Variants in AMBRA1 observed in about 807,000 individuals in gnomAD.
AMBRA1 encodes autophagy and beclin 1 regulator 1.
In AMBRA1, 47 loss-of-function variants were observed where a neutral mutation model predicts 125.4. That is an observed-to-expected ratio of 0.37 (90% confidence interval 0.30 to 0.48). AMBRA1 has a LOEUF of 0.48. AMBRA1 is among the 20% of genes least tolerant of loss of function. The pLI is 0.99. For synonymous variants in AMBRA1, 626 were observed against 655.5 expected, an observed-to-expected ratio of 0.95 and a Z score of 0.69; for missense variants, 1,331 against 1,693.4, an observed-to-expected ratio of 0.79 and a Z score of 3.76.
At chr11:46,538,652 G>A (rs1369106497) in intron 7 of AMBRA1, among the ~76,000 whole-genome samples, 1 of 151,998 alleles carries the variant, frequency 6.6e-6, no homozygotes, top group African/African-American at 2.4e-5. Flanking sequence ...GCACCACCAT[G>A]CCTGGCTAAT....
intron 9 of AMBRA1, among the ~76,000 whole-genome samples, chr11:46,497,686 G>A (rs773895482): frequency 6.6e-5 from 10 of 152,192 alleles, no homozygotes; most frequent in Non-Finnish European, 1.5e-4. Context: ...TACCGGAATG[G>A]GTAAGGTGGC....
intron 14 of AMBRA1, among the ~76,000 whole-genome samples, chr11:46,422,973 A>G (rs1292307685): frequency 6.6e-6 from 1 of 152,216 alleles, no homozygotes; most frequent in Non-Finnish European, 1.5e-5. Context: ...GCTTTGAGGA[A>G]GAAAGGAACT....
At position 46,541,956 on chromosome 11, in the gene AMBRA1, ATCC is replaced by A. The variant is rs1565271272; in HGVS notation, c.2058_2060del (p.Glu686del). On this transcript the variant is annotated inframe_deletion, in exon 7 of 18. Transcript: ENST00000683756. ...AAGCGACTGCTTACCTCCTGAGTGA[ATCC>A]TCCTCAGAGCTCTCCTCAGGCATAT... The A allele has an allele frequency of 1.9e-6, 3 of 1,609,072 alleles. No homozygotes were observed. In the South Asian group the frequency reaches 3.3e-5, roughly 18 times the overall value.
intron 15 of AMBRA1, among the ~76,000 whole-genome samples, chr11:46,413,656 A>G (rs1235237839): frequency 6.6e-6 from 1 of 151,590 alleles, no homozygotes; most frequent in Non-Finnish European, 1.5e-5. Flanking sequence ...ATGCCTGGCT[A>G]ATTTTTGTAT....
chr11:46,408,164 T>C (rs1224613526), intron 17 of AMBRA1, among the ~76,000 whole-genome samples: 1 of 152,074 alleles, frequency 6.6e-6, no homozygotes, highest in East Asian at 1.9e-4. Flanking sequence ...TAGGCTGTGG[T>C]TTGGCCCCAG....
chr11:46,557,122 G>A (rs1162151116), intron 1 of AMBRA1, among the ~76,000 whole-genome samples: 2 of 143,214 alleles, frequency 1.4e-5, no homozygotes, highest in Non-Finnish European at 3.0e-5. Context: ...GGCAACAAGA[G>A]CGAAACTCCA....
At chr11:46,459,667 C>T (rs531229375) in intron 11 of AMBRA1, among the ~76,000 whole-genome samples, 10 of 151,404 alleles carry the variant, frequency 6.6e-5, no homozygotes, top group South Asian at 2.1e-4. Context: ...GCTGAGATCA[C>T]ACCACTGCAC....
chr11:46,578,274 C>T (rs2135300882), intron 1 of AMBRA1, among the ~76,000 whole-genome samples: 1 of 151,936 alleles, frequency 6.6e-6, no homozygotes, highest in East Asian at 1.9e-4. Flanking sequence ...ATCACCTGAG[C>T]TCAGGAGTTC....
At position 46,542,347 on chromosome 11, in the gene AMBRA1, T is replaced by G. The variant is rs1427494485; in HGVS notation, c.1670A>C (p.Asn557Thr). The change falls in exon 7 of 18, where the codon AAC becomes ACC. Residue 557 changes from asparagine (N) to threonine (T), a missense_variant. By Grantham distance (65) the Asn-to-Thr change is moderately conservative. This residue lies in a region of AMBRA1 where 689 missense variants were observed against 776.5 expected (regional missense o/e 0.89). Transcript: ENST00000683756. This position sits in a 1 kb window ranked among gnomAD's most constrained non-coding sequence, Gnocchi z 5.9. ...HQPTPHSSEN[N>T]SNLSRGHLNR... ...CAGGTGGCCACGGGACAGGTTGGAG[T>G]TGTTCTCACTGCTGTGTGGGGTGGG... 1 of 1,613,778 alleles carries G rather than the reference T, an allele frequency of 6.2e-7. No homozygotes were observed. The highest frequency in any genetic ancestry group is 1.1e-5 in the South Asian group (1 of 91,054).
chr11:46,446,699 C>T (rs770004003), intron 11 of AMBRA1, among the ~76,000 whole-genome samples: 3 of 152,176 alleles, frequency 2.0e-5, no homozygotes, highest in Non-Finnish European at 2.9e-5. Flanking sequence ...AAAAATGTCT[C>T]CAGACACTGC....
At position 46,542,952 on chromosome 11, in the gene AMBRA1, G is replaced by A. The variant is rs1169947776; in HGVS notation, c.1065C>T (p.Ala355=). The change falls in exon 7 of 18, where the codon GCC becomes GCT. Residue 355 remains alanine, a synonymous_variant. Coordinates refer to ENST00000683756, the MANE Select transcript of AMBRA1 (RefSeq NM_001387011.1). This position sits in a 1 kb window ranked among gnomAD's most constrained non-coding sequence, Gnocchi z 5.9. ...QTEPFHPPEQ[A]SSTQQDQGLL... ...GGCCCTGGTCCTGCTGCGTTGACGAGGCCTGCTCCGGGGGATGGAAGGGCT... is the reference window on the plus strand; with the variant it reads ...GGCCCTGGTCCTGCTGCGTTGACGAAGCCTGCTCCGGGGGATGGAAGGGCT... 6.2e-7 allele frequency: 1 copy of A among 1,607,340 alleles called. No individual in the cohort carries two copies. Among genetic ancestry groups the A allele is most frequent in the Non-Finnish European group, 8.5e-7 (1 of 1,179,952 alleles).
chr11:46,551,069 C>G (rs1359545020), intron 1 of AMBRA1, among the ~76,000 whole-genome samples: 3 of 147,438 alleles, frequency 2.0e-5, no homozygotes, highest in Admixed American at 6.8e-5. Flanking sequence ...TGCACTCCAG[C>G]CTGGGCGACG....
At chr11:46,434,115 C>CAAAAAAAAAAAAAAAAAAAAAAAAA (rs145761376) in intron 13 of AMBRA1, among the ~76,000 whole-genome samples, 1 of 53,558 alleles carries the variant, frequency 1.9e-5, no homozygotes. Context: ...AACTCCGTCT[C>CAAAAAAAAAAAAAAAAAAAAAAAAA]AAAAAAAAAA....
intron 1 of AMBRA1, among the ~76,000 whole-genome samples, chr11:46,561,173 G>A (rs141663303): frequency 6.6e-6 from 1 of 152,190 alleles, no homozygotes; most frequent in African/African-American, 2.4e-5. Flanking sequence ...CTGAGGTCAG[G>A]AGTTCGAGAC....
chr11:46,455,423 T>A (rs866805142), intron 11 of AMBRA1, among the ~76,000 whole-genome samples: 30 of 152,204 alleles, frequency 2.0e-4, no homozygotes, highest in Non-Finnish European at 1.2e-4. Flanking sequence ...TCATTTACTA[T>A]TGGTATCTTT....
In AMBRA1 at chr11:46,542,147, C is replaced by A. The variant is rs774047489; in HGVS notation, c.1870G>T (p.Gly624Cys). The A allele has an allele frequency of 6.2e-7, 1 of 1,613,892 alleles. No homozygotes were observed. The highest frequency in any genetic ancestry group is 2.2e-5 in the East Asian group (1 of 44,856). ...SQLPPLERTE[G>C]QTPSSSRLEL... Reference sequence around the variant, plus strand: ...AGCCTGCTGGAGCTGGGCGTTTGGCCCTCAGTCCGCTCGAGAGGTGGCAAC... The same window carrying A: ...AGCCTGCTGGAGCTGGGCGTTTGGCACTCAGTCCGCTCGAGAGGTGGCAAC... Residue 624 changes from glycine (G) to cysteine (C), a missense_variant, in exon 7 of 18, where the codon GGC (glycine) becomes TGC (cysteine). By Grantham distance (159) the Gly-to-Cys change is radical (BLOSUM62 -3). Coordinates refer to ENST00000683756, the MANE Select transcript of AMBRA1 (RefSeq NM_001387011.1). This position sits in a 1 kb window ranked among gnomAD's most constrained non-coding sequence, Gnocchi z 5.9.
At chr11:46,529,248 T>C (rs1185790476) in intron 7 of AMBRA1, among the ~76,000 whole-genome samples, 1 of 152,260 alleles carries the variant, frequency 6.6e-6, no homozygotes, top group African/African-American at 2.4e-5. Context: ...TCTGGCGTAA[T>C]GGAGATCTGC....
Position 46,542,105 on chromosome 11 carries a change from C to T in AMBRA1, c.1912G>A (p.Ala638Thr), listed in dbSNP as rs1952774579. The T allele has an allele frequency of 6.2e-7, 1 of 1,613,824 alleles. No homozygotes were observed. The highest frequency in any genetic ancestry group is 1.3e-5 in the African/African-American group (1 of 74,912). Residue 638 changes from alanine to threonine, a missense_variant, in exon 7 of 18, where the codon GCT becomes ACT. Transcript: ENST00000683756. This position sits in a 1 kb window ranked among gnomAD's most constrained non-coding sequence, Gnocchi z 5.9. ...SSSRLELSSS[A>T]SPQEERTVGV... ...ACAGTCCTCTCCTCCTGCGGACTAG[C>T]AGAGCTGCTCAACTCCAGCCTGCTG...
chr11:46,565,733 CAGCAGTTTTATTCATAGT>C (rs1213418303), intron 1 of AMBRA1, among the ~76,000 whole-genome samples: 1 of 152,024 alleles, frequency 6.6e-6, no homozygotes, highest in African/African-American at 2.4e-5. Context: ...AAAATGTTAA[CAGCAGTTTTATTCATAGT>C]AGCCAAAAAA....
Sources: allele counts gnomAD v4.1 joint callset (sites outside exome capture counted in the v4.1 genomes callset), GRCh38; gene constraint gnomAD v4.1.1; regional missense constraint gnomAD v4.1.1; non-coding constraint Gnocchi (gnomAD v3.1); transcripts MANE v1.5; gene names NCBI Gene and HGNC (gene_info 2026-07-23, HGNC 2026-07-21).